GRXCR2: variants seen among roughly 807,000 people sequenced by gnomAD.
GRXCR2 encodes glutaredoxin domain-containing cysteine-rich protein 2.
Under a neutral mutation model 24.8 loss-of-function variants are expected in GRXCR2, and 23 were observed. The ratio of observed to expected loss-of-function variants is 0.93; its 90% confidence interval spans 0.67 to 1.32. GRXCR2 has a LOEUF of 1.32. GRXCR2 is among the 40% of genes most tolerant of loss of function. The pLI is 0.00. For synonymous variants in GRXCR2, 130 were observed against 116.1 expected (o/e 1.12, Z -0.77); for missense variants, 315 against 303.4 (o/e 1.04, Z -0.28).
At chr5:145,870,183 C>A (rs1756506188) in intron 1 of GRXCR2, among the ~76,000 whole-genome samples, 1 of 152,254 alleles carries the variant, frequency 6.6e-6, no homozygotes, top group South Asian at 2.1e-4. Flanking sequence ...ATCTCCAGAA[C>A]GTTTTCTTCT....
chr5:145,905,043 C>T (rs968861492), intron 2 of GRXCR2, among the ~76,000 whole-genome samples: 1 of 152,220 alleles, frequency 6.6e-6, no homozygotes, highest in Non-Finnish European at 1.5e-5. Context: ...CAAAACAAGT[C>T]ACACATCCAT....
intron 2 of GRXCR2, among the ~76,000 whole-genome samples, chr5:145,881,830 C>A (rs570515500): frequency 6.6e-6 from 1 of 152,196 alleles, no homozygotes; most frequent in East Asian, 1.9e-4. Flanking sequence ...ATATATAGAC[C>A]AATGGAACAG....
intron 2 of GRXCR2, among the ~76,000 whole-genome samples, chr5:145,923,124 C>T (rs1757348309): frequency 6.6e-6 from 1 of 152,214 alleles, no homozygotes; most frequent in Non-Finnish European, 1.5e-5. Context: ...ACACAGATTG[C>T]TGGTGCCATC....
At chr5:145,889,567 G>GA (rs1223106226) in intron 2 of GRXCR2, among the ~76,000 whole-genome samples, 2 of 152,100 alleles carry the variant, frequency 1.3e-5, no homozygotes, top group Admixed American at 6.5e-5. Flanking sequence ...GAAAGAAGAG[G>GA]AAAAAATCTA....
rs760110257 is a variant in GRXCR2 at position 145,859,958 on chromosome 5, G to A, written c.565-43C>T. The stretch of plus-strand genomic sequence containing the variant: ...GGGTTTAGTTAAAGCAGCAGTTCAA[G>A]TCCGTTGTTCACATGCAGGTCAAAA... On this transcript the variant is annotated intron_variant, in intron 2 of 2. Transcript: ENST00000377976. The A allele has an allele frequency of 1.4e-4, 213 of 1,491,070 alleles. 2 individuals are homozygous for A. In the East Asian group the frequency reaches 5.0e-3, roughly 35 times the overall value. 92.4% of individuals were successfully genotyped at this position (1,491,070 alleles called of 1,614,324 possible).
intron 2 of GRXCR2, among the ~76,000 whole-genome samples, chr5:145,919,020 C>T (rs751725546): frequency 2.6e-5 from 4 of 152,168 alleles, no homozygotes; most frequent in African/African-American, 4.8e-5. Context: ...CTGGGGAGAA[C>T]AGATCCTCCA....
chr5:145,928,663 A>C (rs892621483), intron 2 of GRXCR2, among the ~76,000 whole-genome samples: 9 of 150,438 alleles, frequency 6.0e-5, no homozygotes, highest in African/African-American at 2.2e-4. Context: ...CAAAAAACCA[A>C]ACACCACATG....
chr5:145,876,218 C>CAT (rs1393201085), upstream of GRXCR2, among the ~76,000 whole-genome samples: 1 of 116,220 alleles, frequency 8.6e-6, no homozygotes, highest in African/African-American at 3.4e-5. Context: ...TATATATATA[C>CAT]ACACACACAC....
At chr5:145,882,971 A>T (rs1202633109) in intron 2 of GRXCR2, among the ~76,000 whole-genome samples, 2 of 141,400 alleles carry the variant, frequency 1.4e-5, no homozygotes, top group African/African-American at 5.3e-5. Flanking sequence ...GAATTGAACA[A>T]TGAGAACATT....
chr5:145,898,093 A>C (rs1756974958), intron 2 of GRXCR2, among the ~76,000 whole-genome samples: 1 of 152,060 alleles, frequency 6.6e-6, no homozygotes, highest in South Asian at 2.1e-4. Context: ...AGAAAGAGAG[A>C]GAATATCCAA....
rs374877722 is a variant in GRXCR2, at chr5:145,900,374, C to G, written c.-69-33646G>C. Among the ~76,000 whole-genome samples, 92 of 152,218 alleles carry G rather than the reference C, an allele frequency of 6.0e-4. 3 individuals are homozygous for G. In the South Asian group the frequency reaches 0.017, roughly 28 times the overall value. On this transcript the variant is annotated intron_variant, in intron 2 of 3. Transcript: ENST00000639411. ...GTTTCCTGAGGTCTCCCCAGTCATG[C>G]TTTCTGTACAGCCTGAGGAACTGTG...
At chr5:145,902,763 T>A (rs1415472877) in intron 2 of GRXCR2, among the ~76,000 whole-genome samples, 1 of 152,234 alleles carries the variant, frequency 6.6e-6, no homozygotes, top group Admixed American at 6.5e-5. Context: ...AGCATTTAAG[T>A]GTCAGGCATG....
chr5:145,897,245 TG>T (rs1756964282), intron 2 of GRXCR2, among the ~76,000 whole-genome samples: 2 of 109,176 alleles, frequency 1.8e-5, no homozygotes, highest in East Asian at 5.7e-4. Flanking sequence ...ACCTGTTGTT[TG>T]TTACATACAT....
At chr5:145,864,122 A>T (rs1193924878) in intron 2 of GRXCR2, among the ~76,000 whole-genome samples, 1 of 152,146 alleles carries the variant, frequency 6.6e-6, no homozygotes, top group Non-Finnish European at 1.5e-5. Context: ...TTTTTTCCTC[A>T]TGGAAGCCAG....
rs376740535 is a variant in GRXCR2 at position 145,867,249 on chromosome 5, T to C, written c.337-521A>G. On this transcript the variant is annotated intron_variant, in intron 1 of 2. Transcript: ENST00000377976. Reference sequence around the variant, plus strand: ...GAGGCAGATGCTATAGTTTCCACATTTTAAGGTGAGGAGACTGAGACTCAG... The same window carrying C: ...GAGGCAGATGCTATAGTTTCCACATCTTAAGGTGAGGAGACTGAGACTCAG... 2.0e-4 allele frequency among the ~76,000 whole-genome samples: 30 copies of C among 152,276 alleles called. No homozygotes were observed. The East Asian group carries it at 3.5e-3, about 18-fold the overall frequency.
upstream of GRXCR2, among the ~76,000 whole-genome samples, chr5:145,876,104 C>T (rs1756609289): frequency 6.7e-6 from 1 of 149,704 alleles, no homozygotes; most frequent in Non-Finnish European, 1.5e-5. Context: ...GAGTTTGAGG[C>T]TAAAGCCAGC....
intron 2 of GRXCR2, among the ~76,000 whole-genome samples, chr5:145,916,291 A>C (rs1217820757): frequency 6.6e-6 from 1 of 152,222 alleles, no homozygotes; most frequent in Admixed American, 6.5e-5. Context: ...GATGAGGAAT[A>C]AAAAAGCTTA....
chr5:145,928,764 A>C, intron 2 of GRXCR2, among the ~76,000 whole-genome samples: 1 of 70,144 alleles, frequency 1.4e-5, no homozygotes, highest in Non-Finnish European at 3.2e-5. Context: ...GGGTGGGGGG[A>C]GGGGGGAAGG....
At position 145,872,789 on chromosome 5, in the gene GRXCR2, T is replaced by G; in HGVS notation, c.180A>C (p.Thr60=). The change falls in exon 1 of 3, where the codon ACA becomes ACC. Residue 60 remains threonine, a synonymous_variant. Transcript: ENST00000377976. ...PHSFLQESLE[T]MDGVYGSGEV... is the part of the protein sequence containing the mutation. ...CCCCAGACCCATAAACACCATCCAT[T>G]GTTTCAAGAGACTCTTGCAGAAAAC... 6.2e-7 allele frequency: 1 copy of G among 1,614,216 alleles called. No homozygotes were observed. Among genetic ancestry groups the G allele is most frequent in the Non-Finnish European group, 8.5e-7 (1 of 1,180,042 alleles).
Sources: gnomAD v4.1 joint callset for allele counts (sites outside exome capture counted in the v4.1 genomes callset) on GRCh38, gnomAD v4.1.1 for gene constraint, MANE v1.5 for transcripts, NCBI Gene and HGNC (gene_info 2026-07-23, HGNC 2026-07-21) for gene names.